Variants in CLDN11 observed in about 807,000 individuals in gnomAD.
CLDN11 encodes claudin 11.
In CLDN11, 1 loss-of-function variant was observed where a neutral mutation model predicts 18.0. The observed-to-expected ratio is 0.06, with a 90% CI of 0.02 to 0.26. The LOEUF is 0.26. Ranked by LOEUF, CLDN11 falls within the 10% of genes least tolerant of loss-of-function variation. The pLI, the probability that CLDN11 is intolerant of heterozygous loss-of-function variation, is 1.00. For synonymous variants in CLDN11, 116 were observed against 121.5 expected, an observed-to-expected ratio of 0.96 and a Z score of 0.30; for missense variants, 172 against 276.6, an observed-to-expected ratio of 0.62 and a Z score of 2.68.
Position 170,419,235 on chromosome 3 carries a change from G to A in CLDN11, c.169G>A (p.Val57Ile). 1 of 1,576,522 alleles carries A rather than the reference G, an allele frequency of 6.3e-7. No homozygotes were observed. Among genetic ancestry groups the A allele is most frequent in the Non-Finnish European group, 8.6e-7 (1 of 1,161,462 alleles). ...CTCCAAGGGGCTGTGGGCCGACTGC[G>A]TCATGGCCACGGGGCTGTACCACTG... ...LGSKGLWADCVMATGLYHCKP... is the reference protein window; with the variant it reads ...LGSKGLWADCIMATGLYHCKP... The change falls in exon 1 of 3, where the codon GTC becomes ATC. Residue 57 changes from valine (V) to isoleucine (I), a missense_variant. Val to Ile is a conservative substitution (Grantham distance 29). Around this residue, in one of 3 missense-constraint regions of CLDN11, gnomAD observed 161 missense variants for 240.3 expected, o/e 0.67. Coordinates refer to ENST00000064724, the MANE Select transcript of CLDN11 (RefSeq NM_005602.6). This position sits in a 1 kb window ranked among gnomAD's most constrained non-coding sequence, Gnocchi z 8.6.
rs150789369 is a variant in CLDN11 at position 170,423,272 on chromosome 3, C to G, written c.336C>G (p.Pro112=). 7.4e-6 allele frequency: 12 copies of G among 1,614,022 alleles called. No individual in the cohort carries two copies. Among genetic ancestry groups the G allele is most frequent in the Non-Finnish European group, 8.5e-6 (10 of 1,180,024 alleles). The change falls in exon 2 of 3, where the codon CCC becomes CCG. Residue 112 remains proline (P), a synonymous_variant. Coordinates refer to ENST00000064724, the MANE Select transcript of CLDN11 (RefSeq NM_005602.6). ...CCTGCATCCGGATGGGCCAGGAGCC[C>G]GGTGTGGCTAAGTACAGGCGGGCCC... The part of the protein sequence containing the change: ...VLPCIRMGQE[P]GVAKYRRAQL...
At chr3:170,428,696 C>T (rs1197765879) in intron 2 of CLDN11, among the ~76,000 whole-genome samples, 1 of 152,066 alleles carries the variant, frequency 6.6e-6, no homozygotes, top group Admixed American at 6.6e-5. Context: ...ACAAATGGTA[C>T]CCCCCACCAC....
chr3:170,424,255 T>C (rs1738792442), intron 2 of CLDN11, among the ~76,000 whole-genome samples: 1 of 152,094 alleles, frequency 6.6e-6, no homozygotes, highest in African/African-American at 2.4e-5. Flanking sequence ...CTCAATAGAA[T>C]ATGGTATGTG....
chr3:170,423,914 C>T (rs775404203), intron 2 of CLDN11, among the ~76,000 whole-genome samples: 22 of 149,970 alleles, frequency 1.5e-4, no homozygotes, highest in South Asian at 2.1e-4. Flanking sequence ...CCCAGCTACT[C>T]GGGGCGGGGG....
At position 170,434,602 on chromosome 3, in the gene CLDN11, C is replaced by G. The variant is rs1311868502; in HGVS notation, c.*1846C>G. On this transcript the variant is annotated 3_prime_UTR_variant, in exon 3 of 3. Transcript: ENST00000064724. Reference sequence around the variant, plus strand: ...TGTTTTTCTGTTCCAGAAACTTCATCAAGTTACGGGCCTGGTCTAAGAAAA... The same window carrying G: ...TGTTTTTCTGTTCCAGAAACTTCATGAAGTTACGGGCCTGGTCTAAGAAAA... 6.6e-6 allele frequency among the ~76,000 whole-genome samples: 1 copy of G among 152,198 alleles called. No individual in the cohort carries two copies. The highest frequency in any genetic ancestry group is 1.5e-5 in the Non-Finnish European group (1 of 68,026).
intron 2 of CLDN11, among the ~76,000 whole-genome samples, chr3:170,424,033 A>AAG (rs1553860133): frequency 6.7e-6 from 1 of 149,002 alleles, no homozygotes; most frequent in East Asian, 1.9e-4. Context: ...CAAAAAAAAA[A>AAG]AAAAAGAAAA....
In CLDN11 at chr3:170,424,218, G is replaced by A. The variant is rs144466790; in HGVS notation, c.391+891G>A. Among the ~76,000 whole-genome samples, 603 of 152,238 alleles carry A rather than the reference G, an allele frequency of 4.0e-3. 12 individuals carry two copies. Among genetic ancestry groups the A allele is most frequent in the Admixed American group, 0.03 (464 of 15,296 alleles). ...CTGGGGACACTGGGGAAAATAGGCC[G>A]TCTTTGCTTTGAGTGTACTTGGAAA... On this transcript the variant is annotated intron_variant, in intron 2 of 2. Coordinates refer to ENST00000064724, the MANE Select transcript of CLDN11 (RefSeq NM_005602.6).
intron 2 of CLDN11, among the ~76,000 whole-genome samples, chr3:170,425,349 TGA>T (rs1386496128): frequency 6.6e-6 from 1 of 152,164 alleles, no homozygotes; most frequent in Non-Finnish European, 1.5e-5. Context: ...GCCTTCCATA[TGA>T]ATGTCACAGG....
rs945298208 is a variant in CLDN11 at position 170,419,579 on chromosome 3, A to G, written c.226+287A>G. 1.3e-5 allele frequency among the ~76,000 whole-genome samples: 2 copies of G among 152,232 alleles called. No individual in the cohort carries two copies. The highest frequency in any genetic ancestry group is 4.8e-5 in the African/African-American group (2 of 41,458). ...AAACCGGAACACCTAATAGGAACTG[A>G]GTCCGTGTTAATTACTGCGGTCCCA... On this transcript the variant is annotated intron_variant, in intron 1 of 2. Coordinates refer to ENST00000064724, the MANE Select transcript of CLDN11 (RefSeq NM_005602.6). The surrounding 1 kb of genome is among the most constrained non-coding windows in gnomAD (Gnocchi z 8.6).
Position 170,432,709 on chromosome 3 carries a change from A to G in CLDN11, c.577A>G (p.Thr193Ala), listed in dbSNP as rs1371836521. 1 of 1,614,164 alleles carries G rather than the reference A, an allele frequency of 6.2e-7. No individual in the cohort carries two copies. Among genetic ancestry groups the G allele is most frequent in the South Asian group, 1.1e-5 (1 of 91,084 alleles). ...QAFGENRFYY[T>A]AGSSSPTHAK... is the part of the protein sequence containing the mutation. ...CTTTGGTGAAAACCGTTTCTACTAC[A>G]CTGCGGGCTCTAGCTCCCCGACTCA... is the stretch of plus-strand genomic sequence containing the variant. Residue 193 changes from threonine (T) to alanine (A), a missense_variant, in exon 3 of 3, where the codon ACT (threonine) becomes GCT (alanine). Around this residue, in one of 3 missense-constraint regions of CLDN11, gnomAD observed 161 missense variants for 240.3 expected, o/e 0.67. Coordinates refer to ENST00000064724, the MANE Select transcript of CLDN11 (RefSeq NM_005602.6).
chr3:170,429,114 C>G (rs1279348209), intron 2 of CLDN11, among the ~76,000 whole-genome samples: 1 of 152,218 alleles, frequency 6.6e-6, no homozygotes, highest in African/African-American at 2.4e-5. Context: ...ATATCTCTTT[C>G]TCTCTTGAAA....
At chr3:170,421,220 AG>A (rs1330821294) in intron 1 of CLDN11, 1 of 951,186 alleles carries the variant, frequency 1.1e-6, no homozygotes, top group African/African-American at 1.8e-5. Flanking sequence ...GGGTGGAGGC[AG>A]GAACAGTCCT....
intron 2 of CLDN11, among the ~76,000 whole-genome samples, chr3:170,428,140 CA>C (rs34713746): frequency 0.041 from 4,421 of 106,832 alleles, 63 homozygotes; most frequent in African/African-American, 0.051. Flanking sequence ...GATATCCTAT[CA>C]AAAAAAAAAA....
At chr3:170,431,175 T>C (rs919316893) in intron 2 of CLDN11, among the ~76,000 whole-genome samples, 5 of 152,204 alleles carry the variant, frequency 3.3e-5, no homozygotes, top group Admixed American at 1.3e-4. Context: ...TGATTGCTTA[T>C]GTTAAGTTAT....
In CLDN11 at chr3:170,419,997, G is replaced by A. The variant is rs1193563935; in HGVS notation, c.226+705G>A. ...GTGACGCCGGCTCCCGCTCCGCGCC[G>A]CTGGGTTGGATAGGGACGAGCGGGC... is the stretch of plus-strand genomic sequence containing the variant. On this transcript the variant is annotated intron_variant, in intron 1 of 2. Transcript: ENST00000064724. This position sits in a 1 kb window ranked among gnomAD's most constrained non-coding sequence, Gnocchi z 8.6. Among the ~76,000 whole-genome samples, 1 of 152,248 alleles carries A rather than the reference G, an allele frequency of 6.6e-6. No individual in the cohort carries two copies. The highest frequency in any genetic ancestry group is 1.9e-4 in the East Asian group (1 of 5,192).
At chr3:170,424,949 G>A (rs1048374210) in intron 2 of CLDN11, among the ~76,000 whole-genome samples, 4 of 151,992 alleles carry the variant, frequency 2.6e-5, no homozygotes, top group African/African-American at 9.7e-5. Flanking sequence ...GTGCGCGCGT[G>A]TGTGTGTGTT....
At chr3:170,432,173 A>G (rs1258658430) in intron 2 of CLDN11, among the ~76,000 whole-genome samples, 2 of 152,258 alleles carry the variant, frequency 1.3e-5, no homozygotes, top group Non-Finnish European at 2.9e-5. Flanking sequence ...ATTATAATAC[A>G]ATTAAGTAAG....
rs1351288066 is a variant in CLDN11, at chr3:170,423,230, G to A, written c.294G>A (p.Leu98=). The change falls in exon 2 of 3, where the codon CTG becomes CTA. Residue 98 remains leucine, a synonymous_variant. Transcript: ENST00000064724. The part of the protein sequence containing the change: ...ASVLGLPAIL[L]LLTVLPCIRM... ...TCCTGGGTCTGCCGGCCATTTTACTGCTGCTGACTGTTCTTCCCTGCATCC... is the reference window on the plus strand; with the variant it reads ...TCCTGGGTCTGCCGGCCATTTTACTACTGCTGACTGTTCTTCCCTGCATCC... 3 of 1,614,078 alleles carry A rather than the reference G, an allele frequency of 1.9e-6. No homozygotes were observed. Among genetic ancestry groups the A allele is most frequent in the Non-Finnish European group, 1.7e-6 (2 of 1,180,044 alleles).
chr3:170,434,040 A>G lies in CLDN11; in HGVS notation c.*1284A>G, dbSNP rs1197711213. The G allele has an allele frequency of 6.6e-6, 1 of 152,580 alleles. No individual in the cohort carries two copies. The highest frequency in any genetic ancestry group is 2.4e-5 in the African/African-American group (1 of 41,440). 9.5% of individuals were successfully genotyped at this position (152,580 alleles called of 1,614,324 possible). On this transcript the variant is annotated 3_prime_UTR_variant, in exon 3 of 3. Transcript: ENST00000064724. ...GAGACCCCAAACTCTCCAAATACTG[A>G]TGGTGCATTTTATTCTTGAAGTGAA...
Sources: gnomAD v4.1 joint callset for allele counts (sites outside exome capture counted in the v4.1 genomes callset) on GRCh38, gnomAD v4.1.1 for gene constraint, gnomAD v4.1.1 regional missense constraint, Gnocchi (gnomAD v3.1) non-coding constraint, MANE v1.5 for transcripts, NCBI Gene and HGNC (gene_info 2026-07-23, HGNC 2026-07-21) for gene names.